The following ADAP1 variants were observed in gnomAD, a reference collection of about 807,000 sequenced individuals.
ADAP1 encodes the protein arf-GAP with dual PH domain-containing protein 1.
A neutral mutation model predicts 54.9 loss-of-function variants in ADAP1; 31 were observed. The observed-to-expected ratio is 0.56, with a 90% CI of 0.42 to 0.76. The LOEUF (loss-of-function observed/expected upper bound fraction) is 0.76. ADAP1 is among the 30% of genes least tolerant of loss of function. ADAP1 has a pLI of 0.00. For synonymous variants in ADAP1, 313 were observed against 202.6 expected, an observed-to-expected ratio of 1.55 and a Z score of -4.63; for missense variants, 535 against 512.4, an observed-to-expected ratio of 1.04 and a Z score of -0.42.
chr7:908,720 C>T (rs1414740301), intron 4 of ADAP1, among the ~76,000 whole-genome samples: 1 of 152,218 alleles, frequency 6.6e-6, no homozygotes, highest in Non-Finnish European at 1.5e-5. Flanking sequence ...GGGTGGACGC[C>T]GAGAAGTGCC....
intron 3 of ADAP1, among the ~76,000 whole-genome samples, chr7:921,055 G>C (rs1350271351): frequency 6.6e-6 from 1 of 152,052 alleles, no homozygotes; most frequent in Non-Finnish European, 1.5e-5. Flanking sequence ...CTGCTACAAC[G>C]ATCACCCCAA....
chr7:912,858 A>G (rs912376465), intron 4 of ADAP1, among the ~76,000 whole-genome samples: 2 of 151,804 alleles, frequency 1.3e-5, no homozygotes, highest in Non-Finnish European at 2.9e-5. Flanking sequence ...AGGCCTATTT[A>G]TTTATGTTTT....
At position 938,307 on chromosome 7, in the gene ADAP1, A is replaced by G. The variant is rs1325328954; in HGVS notation, c.83-2802T>C. On this transcript the variant is annotated intron_variant, in intron 1 of 10. Coordinates refer to ENST00000265846, the MANE Select transcript of ADAP1 (RefSeq NM_006869.4). The surrounding 1 kb of genome is among the most constrained non-coding windows in gnomAD (Gnocchi z 4.4). ...GCGATCCTCCTGCCTCAGCCTTCCA[A>G]GTAGCTGGGACCGCAGGCATGCACC... Among the ~76,000 whole-genome samples, 2 of 152,102 alleles carry G rather than the reference A, an allele frequency of 1.3e-5. No individual in the cohort carries two copies. Among genetic ancestry groups the G allele is most frequent in the Non-Finnish European group, 2.9e-5 (2 of 68,018 alleles).
upstream of ADAP1, chr7:955,280 G>A (rs1015904458): frequency 7.1e-6 from 11 of 1,549,334 alleles, no homozygotes; most frequent in African/African-American, 1.4e-5. Flanking sequence ...AAAAAACCTG[G>A]TTTTGATGTC....
At chr7:943,922 A>G (rs945926799) in intron 1 of ADAP1, among the ~76,000 whole-genome samples, 2 of 151,818 alleles carry the variant, frequency 1.3e-5, no homozygotes, top group Non-Finnish European at 2.9e-5. Flanking sequence ...TATTACTATT[A>G]TTATTATTAT....
At chr7:903,305 G>C (rs1358905655) in intron 6 of ADAP1, among the ~76,000 whole-genome samples, 1 of 151,850 alleles carries the variant, frequency 6.6e-6, no homozygotes, top group African/African-American at 2.4e-5. Flanking sequence ...ACGGGCACGT[G>C]GGAGGGGATG....
chr7:943,150 A>AGG (rs1562936372), intron 1 of ADAP1, among the ~76,000 whole-genome samples: 3 of 45,450 alleles, frequency 6.6e-5, no homozygotes, highest in Non-Finnish European at 1.4e-4. Context: ...GAGTAGGAGG[A>AGG]AGAGAGGAGG....
At position 926,408 on chromosome 7, in the gene ADAP1, C is replaced by A; in HGVS notation, c.305+145G>T. On this transcript the variant is annotated intron_variant, in intron 3 of 10. Transcript: ENST00000265846. The surrounding 1 kb of genome is among the most constrained non-coding windows in gnomAD (Gnocchi z 4.6). ...TGGCCAGCAGACACAGGCGGCACCTCGGGGTCTGGGGGACGCAGCTGCGGC... is the reference window on the plus strand; with the variant it reads ...TGGCCAGCAGACACAGGCGGCACCTAGGGGTCTGGGGGACGCAGCTGCGGC... The A allele has an allele frequency of 1.7e-6, 1 of 574,176 alleles. No individual in the cohort carries two copies. Among genetic ancestry groups the A allele is most frequent in the Non-Finnish European group, 2.8e-6 (1 of 356,018 alleles). The allele number at this position is 574,176 out of a possible 1,614,324, so 35.6% of individuals were successfully genotyped here.
chr7:904,058 C>T, intron 6 of ADAP1, 68 bp downstream of exon 6: 1 of 1,594,766 alleles, frequency 6.3e-7, no homozygotes, highest in Non-Finnish European at 8.5e-7. Context: ...ACCCACCTTC[C>T]TGCGCCACCC....
At chr7:929,761 C>T (rs955081833) in intron 2 of ADAP1, among the ~76,000 whole-genome samples, 9 of 151,898 alleles carry the variant, frequency 5.9e-5, no homozygotes, top group Admixed American at 2.6e-4. Context: ...GTACGCTTTA[C>T]GGGAGTGAAT....
At chr7:942,541 G>A (rs1197763347) in intron 1 of ADAP1, among the ~76,000 whole-genome samples, 1 of 93,334 alleles carries the variant, frequency 1.1e-5, no homozygotes, top group East Asian at 2.9e-4. Context: ...GGAGTGAGGA[G>A]GAGGAAGAGA....
chr7:905,382 A>AGGAGAAAGGAGAAAGGAGAAAG, intron 4 of ADAP1: 1 of 269,202 alleles, frequency 3.7e-6, no homozygotes, highest in South Asian at 5.2e-5. Flanking sequence ...GAAAGGAGAA[A>AGGAGAAAGGAGAAAGGAGAAAG]GGAGAAAGGA....
intron 4 of ADAP1, among the ~76,000 whole-genome samples, chr7:911,810 C>T (rs1222460146): frequency 1.4e-5 from 2 of 144,914 alleles, no homozygotes; most frequent in African/African-American, 5.1e-5. Context: ...AGGAAGGGGG[C>T]GGGGGACCCA....
intron 1 of ADAP1, among the ~76,000 whole-genome samples, chr7:935,933 A>G (rs1239037113): frequency 6.6e-6 from 1 of 152,186 alleles, no homozygotes; most frequent in Admixed American, 6.5e-5. Flanking sequence ...AGATTGGGAA[A>G]TTCAGATAGG....
chr7:900,453 C>T, intron 7 of ADAP1, 80 bp downstream of exon 7: 6 of 1,438,194 alleles, frequency 4.2e-6, no homozygotes, highest in Non-Finnish European at 4.8e-6. Flanking sequence ...TCATCCCAGA[C>T]TCAGGGCACG....
intron 3 of ADAP1, among the ~76,000 whole-genome samples, chr7:923,568 C>T (rs538704398): frequency 1.6e-4 from 24 of 152,230 alleles, no homozygotes; most frequent in Non-Finnish European, 3.4e-4. Flanking sequence ...AGAGGGCACA[C>T]GAGACCCTCT....
At chr7:900,241 TGCTCCCCTCACCCCGG>T in intron 7 of ADAP1, 77 bp from the exon 8 acceptor site, 1 of 1,564,956 alleles carries the variant, frequency 6.4e-7, no homozygotes, top group Admixed American at 1.7e-5. Context: ...TGCCCCTCTG[TGCTCCCCTCACCCCGG>T]GCCACCAGGT....
chr7:909,995 C>T (rs938844747), intron 4 of ADAP1, among the ~76,000 whole-genome samples: 1 of 152,222 alleles, frequency 6.6e-6, no homozygotes, highest in African/African-American at 2.4e-5. Flanking sequence ...CCCTTCTGCC[C>T]ACCGCACGGC....
At chr7:937,720 C>A (rs1437983790) in intron 1 of ADAP1, among the ~76,000 whole-genome samples, 3 of 109,708 alleles carry the variant, frequency 2.7e-5, no homozygotes, top group Non-Finnish European at 5.5e-5. Context: ...CATGCCCGAC[C>A]TCTGGGATTT....
Sources: gnomAD v4.1 joint callset for allele counts (sites outside exome capture counted in the v4.1 genomes callset) on GRCh38, gnomAD v4.1.1 for gene constraint, Gnocchi (gnomAD v3.1) non-coding constraint, MANE v1.5 for transcripts, NCBI Gene and HGNC (gene_info 2026-07-23, HGNC 2026-07-21) for gene names.